LARGE1: variants seen among roughly 807,000 people sequenced by gnomAD.
The protein encoded by LARGE1 is xylosyl- and glucuronyltransferase LARGE1.
LARGE1 carries 43 observed loss-of-function variants against 87.6 expected under a neutral mutation model. The ratio of observed to expected loss-of-function variants is 0.49; its 90% CI spans 0.38 to 0.63. The LOEUF (loss-of-function observed/expected upper bound fraction) is 0.63, where lower values mean the gene tolerates loss of function less well. Ranked by LOEUF, LARGE1 falls within the 30% of genes least tolerant of loss-of-function variation. The probability of loss-of-function intolerance (pLI) is 0.00; values close to 1 mark genes in which losing one functional copy is unlikely to be tolerated. For synonymous variants in LARGE1, 434 were observed against 394.6 expected (o/e 1.10, Z -1.18); for missense variants, 802 against 1,000.2 (o/e 0.80, Z 2.67).
chr22:33,533,941 C>G (rs1012076311), intron 6 of LARGE1, among the ~76,000 whole-genome samples: 1 of 150,182 alleles, frequency 6.7e-6, no homozygotes, highest in Non-Finnish European at 1.5e-5. Context: ...TGTTTCCTAT[C>G]CATTTCTTTA....
chr22:33,870,951 T>C (rs957673345), intron 1 of LARGE1, among the ~76,000 whole-genome samples: 3 of 152,210 alleles, frequency 2.0e-5, no homozygotes, highest in African/African-American at 7.2e-5. Context: ...TGTGGTCTAA[T>C]GTGGATTCAA....
At chr22:33,413,499 C>T (rs905428742) in intron 7 of LARGE1, among the ~76,000 whole-genome samples, 6 of 151,874 alleles carry the variant, frequency 4.0e-5, no homozygotes, top group Non-Finnish European at 7.4e-5. Context: ...GAGTCTTGCT[C>T]TGTCGCCCAG....
intron 9 of LARGE1, among the ~76,000 whole-genome samples, chr22:33,362,312 C>T (rs1486949019): frequency 6.7e-6 from 1 of 149,476 alleles, no homozygotes; most frequent in Non-Finnish European, 1.5e-5. Flanking sequence ...GAATAATGGC[C>T]TCAATTTTCT....
In LARGE1 at chr22:33,567,849, G is replaced by GAGAA. The variant is rs532868000; in HGVS notation, c.616-2834_616-2831dup. ...CGTTGTTTAGCTTCCATCTGTAAGT[G>GAGAA]AGAACATGTGATATTTGATTTTCTG... On this transcript the variant is annotated intron_variant, in intron 5 of 14. Transcript: ENST00000397394. Among the ~76,000 whole-genome samples, 15 of 152,242 alleles carry GAGAA rather than the reference G, an allele frequency of 9.9e-5. No homozygotes were observed. In the East Asian group the frequency reaches 2.9e-3, roughly 29 times the overall value.
chr22:33,725,539 A>G (rs239320), intron 2 of LARGE1: 42,521 of 151,334 alleles, frequency 0.28, 6,348 homozygotes, highest in East Asian at 0.43. Context: ...GAGGACCACG[A>G]ACCCAAAGAG....
At chr22:33,804,692 A>T (rs531034697) in intron 1 of LARGE1, among the ~76,000 whole-genome samples, 5 of 152,338 alleles carry the variant, frequency 3.3e-5, no homozygotes, top group Admixed American at 6.5e-5. Context: ...GCTTAAACAA[A>T]AACAACAACA....
At chr22:33,266,073 C>G (rs549279261) in intron 11 of LARGE1, among the ~76,000 whole-genome samples, 1 of 151,686 alleles carries the variant, frequency 6.6e-6, no homozygotes, top group South Asian at 2.1e-4. Context: ...TATCTGAATC[C>G]CTAGGAAACT....
chr22:33,597,278 GA>G (rs3072280), intron 5 of LARGE1, among the ~76,000 whole-genome samples: 23,121 of 129,116 alleles, frequency 0.18, 2,022 homozygotes, highest in African/African-American at 0.26. Flanking sequence ...CCTAATTCAT[GA>G]AAAAAAAAAA....
intron 1 of LARGE1, among the ~76,000 whole-genome samples, chr22:33,907,044 C>G (rs1463963010): frequency 1.3e-5 from 2 of 152,034 alleles, no homozygotes; most frequent in Non-Finnish European, 2.9e-5. Flanking sequence ...AACAAGCACC[C>G]CTTGGTATGG....
At chr22:33,498,971 C>A (rs1022382402) in intron 6 of LARGE1, among the ~76,000 whole-genome samples, 3 of 150,794 alleles carry the variant, frequency 2.0e-5, no homozygotes, top group Admixed American at 2.0e-4. Flanking sequence ...GATTCCGTCT[C>A]AAAAAAATAA....
At chr22:33,545,419 AACACACACACACAC>A (rs55754949) in intron 6 of LARGE1, among the ~76,000 whole-genome samples, 2 of 143,926 alleles carry the variant, frequency 1.4e-5, no homozygotes, top group African/African-American at 2.6e-5. Context: ...ACACCCAGCT[AACACACACACACAC>A]ACACACACAC....
rs955986979 is a variant in LARGE1, at chr22:33,616,327, C to T, written c.491+9917G>A. Among the ~76,000 whole-genome samples, 7 of 151,536 alleles carry T rather than the reference C, an allele frequency of 4.6e-5. No homozygotes were observed. In the South Asian group the frequency reaches 6.3e-4, roughly 14 times the overall value. ...TTCAAGACCAAGCTGGCCAACATGG[C>T]GAAACCCTGTCTCTCCCAAAAACAA... On this transcript the variant is annotated intron_variant, in intron 4 of 14. Coordinates refer to ENST00000397394, the MANE Select transcript of LARGE1 (RefSeq NM_133642.5).
chr22:33,602,100 G>A (rs2079128062), intron 5 of LARGE1, among the ~76,000 whole-genome samples: 1 of 152,128 alleles, frequency 6.6e-6, no homozygotes, highest in Admixed American at 6.5e-5. Context: ...GTGGAATGAA[G>A]CATTTTTAAG....
chr22:33,143,214 A>G, the LARGE1 span, among the ~76,000 whole-genome samples: 1 of 152,206 alleles, frequency 6.6e-6, no homozygotes, highest in African/African-American at 2.4e-5. Flanking sequence ...CTTGACTATG[A>G]AAATTGGAGG....
intron 1 of LARGE1, among the ~76,000 whole-genome samples, chr22:33,835,074 G>T (rs749820506): frequency 1.9e-4 from 29 of 152,220 alleles, no homozygotes; most frequent in Non-Finnish European, 2.9e-5. Flanking sequence ...ACCCAGATGA[G>T]AATTCACACA....
Position 33,769,246 on chromosome 22 carries a change from C to T in LARGE1, c.-82-7688G>A, listed in dbSNP as rs2084995091. 2.0e-5 allele frequency among the ~76,000 whole-genome samples: 3 copies of T among 152,122 alleles called. No individual in the cohort carries two copies. The South Asian group carries it at 6.2e-4, about 32-fold the overall frequency. The stretch of plus-strand genomic sequence containing the variant: ...ACAAGTGAATACTGACTGAAGAGCA[C>T]CAGCACCACCCACTTCATTACACCC... On this transcript the variant is annotated intron_variant, in intron 1 of 14. Coordinates refer to ENST00000397394, the MANE Select transcript of LARGE1 (RefSeq NM_133642.5).
chr22:33,322,026 C>G (rs1453327695), intron 10 of LARGE1, among the ~76,000 whole-genome samples: 3 of 152,142 alleles, frequency 2.0e-5, no homozygotes, highest in African/African-American at 7.2e-5. Context: ...ACCATGTTGG[C>G]CAGGCTGGTC....
rs564659054 is a variant in LARGE1, at chr22:33,283,462, G to C, written c.1731-114C>G. ...GGGGAAGTGTGGGAAAGAAAGCTCA[G>C]GTCATCCTCTCAATTAAAGATGGGG... On this transcript the variant is annotated intron_variant, in intron 12 of 14. Coordinates refer to ENST00000397394, the MANE Select transcript of LARGE1 (RefSeq NM_133642.5). The C allele has an allele frequency of 1.2e-4, 140 of 1,167,072 alleles. No homozygotes were observed. In the African/African-American group the frequency reaches 1.9e-3, roughly 16 times the overall value. The allele number at this position is 1,167,072 out of a possible 1,614,324, so 72.3% of individuals were successfully genotyped here.
At chr22:33,218,537 T>G (rs1925315729) in intron 11 of LARGE1, among the ~76,000 whole-genome samples, 1 of 152,170 alleles carries the variant, frequency 6.6e-6, no homozygotes, top group South Asian at 2.1e-4. Context: ...CTTCTCCTTT[T>G]TCGTGGTACT....
Sources: allele counts gnomAD v4.1 joint callset (sites outside exome capture counted in the v4.1 genomes callset), GRCh38; gene constraint gnomAD v4.1.1; transcripts MANE v1.5; gene names NCBI Gene and HGNC (gene_info 2026-07-23, HGNC 2026-07-21).